Variants in ARFGEF1 observed in about 807,000 individuals in gnomAD.
The protein encoded by ARFGEF1 is ARF guanine nucleotide exchange factor 1.
A neutral mutation model predicts 231.0 loss-of-function variants in ARFGEF1; 42 were observed. The ratio of observed to expected loss-of-function variants is 0.18; its 90% CI spans 0.14 to 0.24. The LOEUF (loss-of-function observed/expected upper bound fraction) is 0.24. Ranked by LOEUF, ARFGEF1 falls within the 10% of genes least tolerant of loss-of-function variation. ARFGEF1 has a pLI of 1.00. For missense variants in ARFGEF1, 1,345 were observed against 2,192.0 expected (o/e 0.61, Z 7.72); for synonymous variants, 710 against 732.3 (o/e 0.97, Z 0.49).
chr8:67,232,862 C>T lies in ARFGEF1; in HGVS notation c.3373G>A (p.Val1125Ile). 6.2e-7 allele frequency: 1 copy of T among 1,603,188 alleles called. No homozygotes were observed. The highest frequency in any genetic ancestry group is 8.5e-7 in the Non-Finnish European group (1 of 1,172,254). ...ETSSQSVVVA[V>I]DRIFTGSTRL... Reference sequence around the variant, plus strand: ...ATAAAATGAATACCTTACCTATCTACAGCAACAACAACACTCTGAGAACTG... The same window carrying T: ...ATAAAATGAATACCTTACCTATCTATAGCAACAACAACACTCTGAGAACTG... Residue 1125 changes from valine to isoleucine, a missense_variant, in exon 23 of 39, where the codon GTA becomes ATA. Val to Ile is a conservative substitution (Grantham distance 29). Transcript: ENST00000262215.
At position 67,198,027 on chromosome 8, in the gene ARFGEF1, C is replaced by A; in HGVS notation, c.*907G>T. ...CAAAAGAAAAGAAAATGACAGCAAT[C>A]TGGATTCATTTTGCAGTGATTCAAG... On this transcript the variant is annotated 3_prime_UTR_variant, in exon 39 of 39. Coordinates refer to ENST00000262215, the MANE Select transcript of ARFGEF1 (RefSeq NM_006421.5). 1 of 985,858 alleles carries A rather than the reference C, an allele frequency of 1.0e-6. No homozygotes were observed. Among genetic ancestry groups the A allele is most frequent in the Non-Finnish European group, 1.2e-6 (1 of 829,940 alleles). 61.1% of individuals were successfully genotyped at this position (985,858 alleles called of 1,614,324 possible).
intron 1 of ARFGEF1, among the ~76,000 whole-genome samples, chr8:67,306,767 T>C (rs986206675): frequency 6.8e-6 from 1 of 147,610 alleles, no homozygotes; most frequent in Non-Finnish European, 1.5e-5. Flanking sequence ...ATGGATAGTT[T>C]TGTTTGTTTG....
chr8:67,209,740 AAT>A (rs1338248348), intron 34 of ARFGEF1, among the ~76,000 whole-genome samples: 16 of 152,138 alleles, frequency 1.1e-4, no homozygotes, highest in Admixed American at 2.0e-4. Context: ...TGAGGGGAGG[AAT>A]ACAGGTGACC....
At chr8:67,289,792 C>T (rs1180860940) in intron 6 of ARFGEF1, among the ~76,000 whole-genome samples, 1 of 152,026 alleles carries the variant, frequency 6.6e-6, no homozygotes, top group Non-Finnish European at 1.5e-5. Context: ...TGAATAAAAA[C>T]ATAAATGTCT....
chr8:67,195,659 A>G, downstream of ARFGEF1: 4 of 1,409,578 alleles, frequency 2.8e-6, no homozygotes, highest in Non-Finnish European at 4.0e-6. Context: ...TGTACCTTTA[A>G]TATGTCCTAC....
intron 1 of ARFGEF1, among the ~76,000 whole-genome samples, chr8:67,327,011 T>C (rs1807863701): frequency 6.6e-6 from 1 of 152,190 alleles, no homozygotes; most frequent in Admixed American, 6.5e-5. Context: ...CAACATCTAA[T>C]ACCCTAGTTA....
At chr8:67,234,917 C>T (rs984017111) in intron 22 of ARFGEF1, among the ~76,000 whole-genome samples, 4 of 151,826 alleles carry the variant, frequency 2.6e-5, no homozygotes, top group African/African-American at 9.7e-5. Context: ...GCAAACTTGA[C>T]ACGCACAGCA....
At chr8:67,276,203 G>T in intron 8 of ARFGEF1, 94 bp from the exon 9 acceptor site, 1 of 1,373,242 alleles carries the variant, frequency 7.3e-7, no homozygotes, top group Non-Finnish European at 1.0e-6. Context: ...TTCACTAACA[G>T]GTGGAGATTC....
chr8:67,331,367 G>A (rs1010819999), intron 1 of ARFGEF1, among the ~76,000 whole-genome samples: 1 of 152,042 alleles, frequency 6.6e-6, no homozygotes, highest in African/African-American at 2.4e-5. Flanking sequence ...TAGGTCATAC[G>A]GGTGGAGCGC....
chr8:67,238,294 A>G, intron 22 of ARFGEF1, 49 bp downstream of exon 22: 1 of 1,516,762 alleles, frequency 6.6e-7, no homozygotes, highest in Non-Finnish European at 8.9e-7. Flanking sequence ...AAAGTGACTT[A>G]TAATGAGGAA....
At chr8:67,268,540 C>T (rs1416343153) in intron 10 of ARFGEF1, among the ~76,000 whole-genome samples, 1 of 152,028 alleles carries the variant, frequency 6.6e-6, no homozygotes, top group Non-Finnish European at 1.5e-5. Context: ...CACTACATTC[C>T]CTTCAATGAC....
intron 29 of ARFGEF1, among the ~76,000 whole-genome samples, chr8:67,223,365 C>T (rs1231742913): frequency 6.6e-6 from 1 of 152,124 alleles, no homozygotes; most frequent in African/African-American, 2.4e-5. Flanking sequence ...ACCACCATGC[C>T]TAGTTAACTT....
At chr8:67,195,843 A>C, downstream of ARFGEF1, 1 of 443,872 alleles carries the variant, frequency 2.3e-6, no homozygotes, top group South Asian at 2.6e-5. Context: ...AATGAACTGG[A>C]TTGAACTACT....
In ARFGEF1 at chr8:67,201,753, G is replaced by T. The variant is rs143463427; in HGVS notation, c.5129-148C>A. ...AGCCACAGCAGCCTGATGTGAAGGT[G>T]ATTTCCATGTCCAGAATTCCCTCCC... is the stretch of plus-strand genomic sequence containing the variant. On this transcript the variant is annotated intron_variant, in intron 36 of 38. Coordinates refer to ENST00000262215, the MANE Select transcript of ARFGEF1 (RefSeq NM_006421.5). 3.7e-4 allele frequency: 385 copies of T among 1,032,000 alleles called. No individual in the cohort carries two copies. In the African/African-American group the frequency reaches 5.8e-3, roughly 16 times the overall value. The allele number at this position is 1,032,000 out of a possible 1,614,324, so 63.9% of individuals were successfully genotyped here.
Position 67,267,073 on chromosome 8 carries a change from T to C in ARFGEF1, c.1812+18A>G, listed in dbSNP as rs2128894141. ...TCCTGGTAAAGTTTAAATTTGAAAA[T>C]GTTTTTATAGTTCTTACCTGAACAT... On this transcript the variant is annotated intron_variant, in intron 12 of 38. Coordinates refer to ENST00000262215, the MANE Select transcript of ARFGEF1 (RefSeq NM_006421.5). 2 of 1,610,150 alleles carry C rather than the reference T, an allele frequency of 1.2e-6. No homozygotes were observed. Among genetic ancestry groups the C allele is most frequent in the Non-Finnish European group, 1.7e-6 (2 of 1,178,888 alleles).
Position 67,253,431 on chromosome 8 carries a change from C to A in ARFGEF1, c.2698+20G>T, listed in dbSNP as rs1840361181. ...TTTTTCCCCTTGAACAATCAGAATT[C>A]AATTAATTTAGATACTTACTCTGTT... is the stretch of plus-strand genomic sequence containing the variant. On this transcript the variant is annotated intron_variant, in intron 18 of 38. Coordinates refer to ENST00000262215, the MANE Select transcript of ARFGEF1 (RefSeq NM_006421.5). The A allele has an allele frequency of 1.4e-6, 2 of 1,481,426 alleles. No individual in the cohort carries two copies. The highest frequency in any genetic ancestry group is 2.3e-5 in the East Asian group (1 of 42,918). 91.8% of individuals were successfully genotyped at this position (1,481,426 alleles called of 1,614,324 possible). A position where few individuals can be genotyped will look rare whatever the true frequency, so the allele number is the denominator to read the frequency against.
At chr8:67,299,430 A>C in intron 3 of ARFGEF1, 75 bp from the exon 4 acceptor site, 8 of 1,336,802 alleles carry the variant, frequency 6.0e-6, no homozygotes, top group Non-Finnish European at 6.1e-6. Flanking sequence ...TATACATTAA[A>C]ATTACAGTAT....
intron 7 of ARFGEF1, among the ~76,000 whole-genome samples, chr8:67,280,791 G>C (rs1374524983): frequency 6.6e-6 from 1 of 152,098 alleles, no homozygotes; most frequent in African/African-American, 2.4e-5. Flanking sequence ...TGGAAAGGAA[G>C]GCCTCACAAG....
chr8:67,224,520 A>C (rs1839308078), intron 29 of ARFGEF1, among the ~76,000 whole-genome samples: 1 of 152,192 alleles, frequency 6.6e-6, no homozygotes, highest in Non-Finnish European at 1.5e-5. Flanking sequence ...TTCACCTAAA[A>C]CCCAGCAAGG....
Sources: gnomAD v4.1 joint callset for allele counts (sites outside exome capture counted in the v4.1 genomes callset) on GRCh38, gnomAD v4.1.1 for gene constraint, MANE v1.5 for transcripts, NCBI Gene and HGNC (gene_info 2026-07-23, HGNC 2026-07-21) for gene names.